The following ZNF654 variants were observed in gnomAD, a reference collection of about 807,000 sequenced individuals.
The protein encoded by ZNF654 is melanoma-associated antigen.
In ZNF654, 19 loss-of-function variants were observed where a neutral mutation model predicts 95.3. The ratio of observed to expected loss-of-function variants is 0.20; its 90% confidence interval spans 0.14 to 0.29. The LOEUF is 0.29. Among genes scored for constraint, ZNF654 ranks in the 10% least tolerant of loss-of-function variants. The pLI is 1.00. For missense variants in ZNF654, 1,046 were observed against 1,341.0 expected (o/e 0.78, Z 3.44); for synonymous variants, 413 against 457.9 (o/e 0.90, Z 1.25).
chr3:88,127,270 C>T lies in ZNF654; in HGVS notation c.550+1001C>T, dbSNP rs544700354. ...TTGAGCAGGTTATTTCTGTTAGTCA[C>T]AGGCTAAGGGGTTAGGGTGGGTTGT... On this transcript the variant is annotated intron_variant, in intron 4 of 8. Coordinates refer to ENST00000636215, the MANE Select transcript of ZNF654 (RefSeq NM_001350134.2). 3.9e-5 allele frequency among the ~76,000 whole-genome samples: 6 copies of T among 152,124 alleles called. No individual in the cohort carries two copies. The South Asian group carries it at 1.2e-3, about 32-fold the overall frequency.
At chr3:88,066,557 G>A (rs1707210100) in intron 1 of ZNF654, among the ~76,000 whole-genome samples, 1 of 151,438 alleles carries the variant, frequency 6.6e-6, no homozygotes, top group Non-Finnish European at 1.5e-5. Context: ...GCGAGACTGT[G>A]TAAAACAAAC....
chr3:88,113,346 TAAAG>T (rs769212581), intron 3 of ZNF654, 150 bp downstream of exon 3: 17 of 467,068 alleles, frequency 3.6e-5, no homozygotes, highest in Non-Finnish European at 5.2e-5. Context: ...TACTGGCTGA[TAAAG>T]AAAATTCATA....
In ZNF654 at chr3:88,105,263, GATAC is replaced by G. The variant is rs1470915768; in HGVS notation, c.333-7845_333-7842del. On this transcript the variant is annotated intron_variant, in intron 2 of 8. Coordinates refer to ENST00000636215, the MANE Select transcript of ZNF654 (RefSeq NM_001350134.2). Reference sequence around the variant, plus strand: ...ATCCATGCCCTTTTTTAGATAAACAGATACATACATTTTTCCACCCTGCTTTTTT... The same window carrying G: ...ATCCATGCCCTTTTTTAGATAAACAGATACATTTTTCCACCCTGCTTTTTT... Among the ~76,000 whole-genome samples the G allele has an allele frequency of 4.9e-5, 7 of 142,160 alleles. No individual in the cohort carries two copies. In the Admixed American group the frequency reaches 5.2e-4, roughly 10 times the overall value. The allele number at this position is 142,160 out of a possible 152,430, so 93.3% of individuals were successfully genotyped here.
intron 2 of ZNF654, among the ~76,000 whole-genome samples, chr3:88,090,051 TTATACA>T (rs888098575): frequency 3.9e-5 from 6 of 152,172 alleles, no homozygotes; most frequent in Non-Finnish European, 8.8e-5. Context: ...GCATATAGAA[TTATACA>T]TATAATACAT....
intron 1 of ZNF654, among the ~76,000 whole-genome samples, chr3:88,079,849 C>T (rs1411039876): frequency 2.6e-5 from 4 of 152,070 alleles, no homozygotes; most frequent in Admixed American, 6.5e-5. Context: ...CTTTACTAAG[C>T]CCCCAGAAAT....
chr3:88,088,377 T>C (rs1254738153), intron 2 of ZNF654, among the ~76,000 whole-genome samples: 1 of 152,154 alleles, frequency 6.6e-6, no homozygotes, highest in African/African-American at 2.4e-5. Context: ...AGTGTTAATG[T>C]TGAAAATAAA....
chr3:88,126,103 T>G, intron 3 of ZNF654, 31 bp from the exon 4 acceptor site: 4 of 1,444,024 alleles, frequency 2.8e-6, no homozygotes, highest in Non-Finnish European at 3.6e-6. Flanking sequence ...CCCTTTAAAT[T>G]CACAGAGCCA....
intron 2 of ZNF654, among the ~76,000 whole-genome samples, chr3:88,090,374 A>T (rs1022993661): frequency 6.6e-6 from 1 of 152,196 alleles, no homozygotes; most frequent in Non-Finnish European, 1.5e-5. Context: ...AACAACAGCA[A>T]GAAAAATGTA....
At chr3:88,089,156 A>G (rs372255672) in intron 2 of ZNF654, among the ~76,000 whole-genome samples, 1 of 148,646 alleles carries the variant, frequency 6.7e-6, no homozygotes, top group South Asian at 2.2e-4. Flanking sequence ...GAACTTTTTG[A>G]TTATACCTGG....
At chr3:88,117,122 G>A (rs1705462748) in intron 3 of ZNF654, among the ~76,000 whole-genome samples, 1 of 151,718 alleles carries the variant, frequency 6.6e-6, no homozygotes, top group Non-Finnish European at 1.5e-5. Flanking sequence ...ATATAGAGAT[G>A]GAACTATCAA....
intron 3 of ZNF654, among the ~76,000 whole-genome samples, chr3:88,123,011 C>CAAAAAAA (rs1289535548): frequency 2.6e-5 from 2 of 76,138 alleles, no homozygotes; most frequent in African/African-American, 4.4e-5. Flanking sequence ...CTCTGAGTCT[C>CAAAAAAA]AAAAAAAAAA....
intron 2 of ZNF654, among the ~76,000 whole-genome samples, chr3:88,110,551 T>C (rs1705026213): frequency 6.6e-6 from 1 of 152,102 alleles, no homozygotes; most frequent in South Asian, 2.1e-4. Context: ...ATACAAAAAC[T>C]GGCCTTGCTC....
chr3:88,141,702 C>T lies in ZNF654; in HGVS notation c.*50C>T, dbSNP rs1201313743. 3 of 1,422,556 alleles carry T rather than the reference C, an allele frequency of 2.1e-6. No individual in the cohort carries two copies. The highest frequency in any genetic ancestry group is 3.1e-5 in the South Asian group (2 of 65,192). The allele number at this position is 1,422,556 out of a possible 1,614,324, so 88.1% of individuals were successfully genotyped here. A position where few individuals can be genotyped will look rare whatever the true frequency, so the allele number is the denominator to read the frequency against. The stretch of plus-strand genomic sequence containing the variant: ...CAATCAAGCAGTAGTGTGAAAAAAG[C>T]ACTATAAGAAAATGCATCATCAGTT... On this transcript the variant is annotated 3_prime_UTR_variant, in exon 9 of 9. Coordinates refer to ENST00000636215, the MANE Select transcript of ZNF654 (RefSeq NM_001350134.2).
intron 2 of ZNF654, among the ~76,000 whole-genome samples, chr3:88,099,228 A>G (rs1476196367): frequency 1.3e-5 from 2 of 152,212 alleles, no homozygotes; most frequent in Non-Finnish European, 2.9e-5. Context: ...ACTCCCATTC[A>G]CAATTGCTAC....
chr3:88,101,485 A>G (rs1704423655), intron 2 of ZNF654, among the ~76,000 whole-genome samples: 1 of 152,180 alleles, frequency 6.6e-6, no homozygotes, highest in South Asian at 2.1e-4. Flanking sequence ...CACTTAGAAT[A>G]ATGTTCTTGA....
In ZNF654 at chr3:88,140,594, T is replaced by A; in HGVS notation, c.2925T>A (p.Asp975Glu). The A allele has an allele frequency of 6.2e-7, 1 of 1,613,736 alleles. No individual in the cohort carries two copies. The highest frequency in any genetic ancestry group is 8.5e-7 in the Non-Finnish European group (1 of 1,179,734). ...PNSENNCSSS[D>E]IVNGHSEIEQ... ...CTGAAAATAATTGTAGTAGTAGTGA[T>A]ATAGTCAATGGACACAGTGAAATAG... The change falls in exon 8 of 9, where the codon GAT (aspartate) becomes GAA (glutamate). Residue 975 changes from aspartate to glutamate, a missense_variant. Physicochemically the swap from Asp to Glu is conservative, Grantham distance 45 (BLOSUM62 2). Transcript: ENST00000636215.
chr3:88,088,735 A>G (rs1400292060), intron 2 of ZNF654, among the ~76,000 whole-genome samples: 1 of 147,062 alleles, frequency 6.8e-6, no homozygotes, highest in Non-Finnish European at 1.5e-5. Flanking sequence ...TTTAAAAAAA[A>G]ACCTTTATTT....
chr3:88,077,331 ATTGTT>A, intron 1 of ZNF654, among the ~76,000 whole-genome samples: 1 of 139,716 alleles, frequency 7.2e-6, no homozygotes, highest in East Asian at 2.1e-4. Context: ...GCAGACTTAA[ATTGTT>A]TTTTTTTTTT....
intron 1 of ZNF654, among the ~76,000 whole-genome samples, chr3:88,083,516 G>A (rs9835771): frequency 0.78 from 119,178 of 152,068 alleles, 47,607 homozygotes; most frequent in South Asian, 0.91. Flanking sequence ...ATATCATAGC[G>A]TGCTTCTGGC....
Sources: gnomAD v4.1 joint callset for allele counts (sites outside exome capture counted in the v4.1 genomes callset) on GRCh38, gnomAD v4.1.1 for gene constraint, MANE v1.5 for transcripts, NCBI Gene and HGNC (gene_info 2026-07-23, HGNC 2026-07-21) for gene names.